ATP2B2: variants seen among roughly 807,000 people sequenced by gnomAD.
ATP2B2 encodes the protein ATPase plasma membrane Ca2+ transporting 2.
A neutral mutation model predicts 120.0 loss-of-function variants in ATP2B2; 15 were observed. That is an observed-to-expected ratio of 0.12 (90% CI 0.08 to 0.19). The LOEUF (loss-of-function observed/expected upper bound fraction) is 0.19, where lower values mean the gene tolerates loss of function less well. ATP2B2 is among the 10% of genes least tolerant of loss of function. The pLI is 1.00. For synonymous variants in ATP2B2, 694 were observed against 700.3 expected, an observed-to-expected ratio of 0.99 and a Z score of 0.14; for missense variants, 1,045 against 1,719.8, an observed-to-expected ratio of 0.61 and a Z score of 6.94.
intron 2 of ATP2B2, among the ~76,000 whole-genome samples, chr3:10,544,954 G>A (rs760343395): frequency 6.6e-6 from 1 of 152,176 alleles, no homozygotes; most frequent in African/African-American, 2.4e-5. Context: ...AGTATTGTTT[G>A]AAAGAGCCAA....
intron 3 of ATP2B2, among the ~76,000 whole-genome samples, chr3:10,528,918 C>T (rs935094776): frequency 9.2e-5 from 14 of 152,134 alleles, no homozygotes; most frequent in African/African-American, 3.1e-4. Context: ...GTGGGAACTG[C>T]TCATATTTGG....
At chr3:10,690,843 C>A (rs1010534670) in intron 1 of ATP2B2, among the ~76,000 whole-genome samples, 3 of 152,110 alleles carry the variant, frequency 2.0e-5, no homozygotes, top group Admixed American at 6.6e-5. Flanking sequence ...TATAAGAGGC[C>A]CACACCCATT....
chr3:10,662,963 A>C (rs2070827334), intron 1 of ATP2B2, among the ~76,000 whole-genome samples: 1 of 151,910 alleles, frequency 6.6e-6, no homozygotes, highest in South Asian at 2.1e-4. Context: ...GAAGCTGGAA[A>C]CCATCATTCT....
chr3:10,523,149 T>C (rs2067019270), intron 3 of ATP2B2, among the ~76,000 whole-genome samples: 1 of 152,206 alleles, frequency 6.6e-6, no homozygotes, highest in Admixed American at 6.5e-5. Flanking sequence ...TTTTATTGTT[T>C]AATCCTCCAC....
At chr3:10,415,005 T>C (rs2062733311) in intron 2 of ATP2B2, among the ~76,000 whole-genome samples, 1 of 151,658 alleles carries the variant, frequency 6.6e-6, no homozygotes, top group African/African-American at 2.4e-5. Flanking sequence ...AAGGTGGAGG[T>C]GGTCATGACG....
chr3:10,682,062 C>T (rs2071396852), intron 1 of ATP2B2, among the ~76,000 whole-genome samples: 1 of 152,190 alleles, frequency 6.6e-6, no homozygotes, highest in Admixed American at 6.5e-5. Flanking sequence ...AGGAGTTCAC[C>T]AGGCAAACCA....
At chr3:10,703,307 G>T (rs990258705) in intron 1 of ATP2B2, among the ~76,000 whole-genome samples, 1 of 152,168 alleles carries the variant, frequency 6.6e-6, no homozygotes, top group Non-Finnish European at 1.5e-5. Flanking sequence ...TCCTGGCTGT[G>T]CCCTCTGTAC....
intron 2 of ATP2B2, among the ~76,000 whole-genome samples, chr3:10,446,146 C>T (rs1204096272): frequency 2.0e-5 from 3 of 152,154 alleles, no homozygotes; most frequent in Non-Finnish European, 4.4e-5. Context: ...CACCCGTTTC[C>T]AGGAACATGT....
chr3:10,447,174 G>A (rs1038383952), intron 2 of ATP2B2, among the ~76,000 whole-genome samples: 3 of 152,192 alleles, frequency 2.0e-5, no homozygotes, highest in African/African-American at 7.2e-5. Context: ...CCTTAGGCTG[G>A]GACTTAGTAG....
intron 2 of ATP2B2, among the ~76,000 whole-genome samples, chr3:10,616,156 G>C (rs1265268210): frequency 6.6e-6 from 1 of 152,196 alleles, no homozygotes; most frequent in Non-Finnish European, 1.5e-5. Flanking sequence ...AGCCTGAATT[G>C]TGTCCCCCAA....
At chr3:10,614,601 G>A (rs74629035) in intron 2 of ATP2B2, among the ~76,000 whole-genome samples, 35 of 152,212 alleles carry the variant, frequency 2.3e-4, no homozygotes, top group African/African-American at 6.5e-4. Flanking sequence ...CTCCCGCATC[G>A]TAGTTGGGTG....
At chr3:10,575,895 C>A (rs2068234119) in intron 2 of ATP2B2, among the ~76,000 whole-genome samples, 1 of 152,204 alleles carries the variant, frequency 6.6e-6, no homozygotes, top group Admixed American at 6.5e-5. Flanking sequence ...TGTCCAAAAT[C>A]TGGGCCTTAG....
chr3:10,448,562 C>G (rs751926186), intron 2 of ATP2B2, among the ~76,000 whole-genome samples: 76 of 152,128 alleles, frequency 5.0e-4, no homozygotes, highest in Non-Finnish European at 8.4e-4. Flanking sequence ...CCAGAAAAGC[C>G]CCCAGGAGCT....
chr3:10,686,713 G>A (rs2071533926), intron 1 of ATP2B2, among the ~76,000 whole-genome samples: 1 of 151,824 alleles, frequency 6.6e-6, no homozygotes, highest in Non-Finnish European at 1.5e-5. Flanking sequence ...TGTGCTAGGT[G>A]CTTGTTGCCT....
chr3:10,629,251 G>T (rs542662288), intron 1 of ATP2B2, among the ~76,000 whole-genome samples: 26 of 152,306 alleles, frequency 1.7e-4, no homozygotes, highest in African/African-American at 5.3e-4. Flanking sequence ...CACCTGGCTC[G>T]ACCTCCGCTG....
chr3:10,375,342 C>A lies in ATP2B2; in HGVS notation c.1416+88G>T. The stretch of plus-strand genomic sequence containing the variant: ...GTCTATGGGGCTTCTTCGTTCATCT[C>A]CCAACCCCAGCACCAGCCCCAGTGA... On this transcript the variant is annotated intron_variant, in intron 11 of 22. Transcript: ENST00000360273. The surrounding 1 kb of genome is among the most constrained non-coding windows in gnomAD (Gnocchi z 4.2). 1.6e-6 allele frequency: 2 copies of A among 1,237,618 alleles called. No individual in the cohort carries two copies. The highest frequency in any genetic ancestry group is 2.3e-6 in the Non-Finnish European group (2 of 854,870). 76.7% of individuals were successfully genotyped at this position (1,237,618 alleles called of 1,614,324 possible).
intron 2 of ATP2B2, among the ~76,000 whole-genome samples, chr3:10,548,477 T>C (rs2067597832): frequency 6.6e-6 from 1 of 152,176 alleles, no homozygotes; most frequent in Admixed American, 6.5e-5. Flanking sequence ...TGTATAGATA[T>C]CCCAGCTCTG....
intron 1 of ATP2B2, among the ~76,000 whole-genome samples, chr3:10,695,630 C>T (rs1439275125): frequency 6.6e-6 from 1 of 152,170 alleles, no homozygotes; most frequent in Non-Finnish European, 1.5e-5. Flanking sequence ...AGCCTAGAGC[C>T]AGCCAACCCC....
intron 2 of ATP2B2, among the ~76,000 whole-genome samples, chr3:10,573,775 T>C (rs1056292947): frequency 1.3e-5 from 2 of 152,220 alleles, no homozygotes; most frequent in Admixed American, 1.3e-4. Flanking sequence ...CCCCATTCTA[T>C]ACAAACTGTT....
Sources: gnomAD v4.1 joint callset for allele counts (sites outside exome capture counted in the v4.1 genomes callset) on GRCh38, gnomAD v4.1.1 for gene constraint, Gnocchi (gnomAD v3.1) non-coding constraint, MANE v1.5 for transcripts, NCBI Gene and HGNC (gene_info 2026-07-23, HGNC 2026-07-21) for gene names.